IRX2: variants seen among roughly 807,000 people sequenced by gnomAD.
IRX2 encodes iroquois homeobox 2.
A neutral mutation model predicts 42.9 loss-of-function variants in IRX2; 26 were observed. The ratio of observed to expected loss-of-function variants is 0.61; its 90% confidence interval spans 0.44 to 0.84. The LOEUF (loss-of-function observed/expected upper bound fraction) is 0.84. IRX2 is among the 40% of genes least tolerant of loss of function. The pLI is 0.00. For missense variants in IRX2, 782 were observed against 713.9 expected, an observed-to-expected ratio of 1.10 and a Z score of -1.09; for synonymous variants, 424 against 353.9, an observed-to-expected ratio of 1.20 and a Z score of -2.22.
At position 2,751,527 on chromosome 5, in the gene IRX2, C is replaced by G; in HGVS notation, c.-114G>C. The G allele has an allele frequency of 1.4e-6, 1 of 730,366 alleles. No individual in the cohort carries two copies. Among genetic ancestry groups the G allele is most frequent in the Non-Finnish European group, 1.7e-6 (1 of 601,244 alleles). The allele number at this position is 730,366 out of a possible 1,614,324, so 45.2% of individuals were successfully genotyped here. A position where few individuals can be genotyped will look rare whatever the true frequency, so the allele number is the denominator to read the frequency against. On this transcript the variant is annotated 5_prime_UTR_variant, in exon 1 of 4. Coordinates refer to ENST00000302057, the MANE Select transcript of IRX2 (RefSeq NM_033267.5). This position sits in a 1 kb window ranked among gnomAD's most constrained non-coding sequence, Gnocchi z 4.0. ...CGGCGGCGGGCACCCGGACGGCCGG[C>G]GGAGGCAGGCCGGCCCGGGTACTAG...
At chr5:2,748,049 T>C (rs956768612) in intron 3 of IRX2, among the ~76,000 whole-genome samples, 11 of 152,214 alleles carry the variant, frequency 7.2e-5, no homozygotes, top group Non-Finnish European at 1.3e-4. Context: ...GGCGACACGC[T>C]GTAATTTGAA....
Position 2,751,600 on chromosome 5 carries a change from G to A in IRX2, c.-187C>T. 5.4e-6 allele frequency: 1 copy of A among 184,114 alleles called. No individual in the cohort carries two copies. The highest frequency in any genetic ancestry group is 1.0e-5 in the Non-Finnish European group (1 of 99,910). 11.4% of individuals were successfully genotyped at this position (184,114 alleles called of 1,614,324 possible). A position where few individuals can be genotyped will look rare whatever the true frequency, so the allele number is the denominator to read the frequency against. On this transcript the variant is annotated 5_prime_UTR_variant, in exon 1 of 4. Coordinates refer to ENST00000302057, the MANE Select transcript of IRX2 (RefSeq NM_033267.5). The surrounding 1 kb of genome is among the most constrained non-coding windows in gnomAD (Gnocchi z 4.0). Reference sequence around the variant, plus strand: ...GCGGCGGCGGGGTGGCGGTGGCGGCGGCAGCAGCGCGGAGCCGGTGGGCGC... The same window carrying A: ...GCGGCGGCGGGGTGGCGGTGGCGGCAGCAGCAGCGCGGAGCCGGTGGGCGC...
rs1737760362 is a variant in IRX2, at chr5:2,748,372, G to T, written c.1336C>A (p.Pro446Thr). ...TTCTTGGGCTCGTAGCCGCCGCCCGGGGACCGGTAGTGGGACTCGAGCGGG... is the reference window on the plus strand; with the variant it reads ...TTCTTGGGCTCGTAGCCGCCGCCCGTGGACCGGTAGTGGGACTCGAGCGGG... ...AHPLESHYRS[P>T]GGGYEPKKDA... is the part of the protein sequence containing the mutation. Residue 446 changes from proline to threonine, a missense_variant, in exon 3 of 4, where the codon CCG (proline) becomes ACG (threonine). This residue lies in a region of IRX2 where 520 missense variants were observed against 437.8 expected (regional missense o/e 1.19). Coordinates refer to ENST00000302057, the MANE Select transcript of IRX2 (RefSeq NM_033267.5). The T allele has an allele frequency of 6.8e-7, 1 of 1,461,582 alleles. No homozygotes were observed. Among genetic ancestry groups the T allele is most frequent in the Non-Finnish European group, 9.0e-7 (1 of 1,114,316 alleles). 90.5% of individuals were successfully genotyped at this position (1,461,582 alleles called of 1,614,324 possible).
chr5:2,736,797 A>G, the IRX2 span: 1 of 152,258 alleles, frequency 6.6e-6, no homozygotes, highest in Admixed American at 6.5e-5. Context: ...TGCCAGACGT[A>G]CATAAGAATC....
Position 2,749,395 on chromosome 5 carries a change from C to G in IRX2, c.642G>C (p.Ser214=). 4 of 1,610,438 alleles carry G rather than the reference C, an allele frequency of 2.5e-6. No individual in the cohort carries two copies. Among genetic ancestry groups the G allele is most frequent in the Non-Finnish European group, 3.4e-6 (4 of 1,178,428 alleles). The change falls in exon 2 of 4, where the codon TCG becomes TCC. Residue 214 remains serine (S), a synonymous_variant. Coordinates refer to ENST00000302057, the MANE Select transcript of IRX2 (RefSeq NM_033267.5). ...PDKAQEGTET[S]AEDEGISLHV... is the part of the protein sequence containing the mutation. The stretch of plus-strand genomic sequence containing the variant: ...CTGCCCGCTCACCTTCGTCCTCTGC[C>G]GAGGTCTCCGTGCCCTCCTGCGCCT...
At chr5:2,741,706 T>C (rs997259806), downstream of IRX2, among the ~76,000 whole-genome samples, 3 of 152,210 alleles carry the variant, frequency 2.0e-5, no homozygotes, top group Admixed American at 6.5e-5. Flanking sequence ...AGTGCTTGTG[T>C]AGCATTGTGT....
rs770436524 is a variant in IRX2, at chr5:2,748,460, G to A, written c.1248C>T (p.Ala416=). The change falls in exon 3 of 4, where the codon GCC becomes GCT. Residue 416 remains alanine (A), a synonymous_variant. Coordinates refer to ENST00000302057, the MANE Select transcript of IRX2 (RefSeq NM_033267.5). ...GCGCGGTGTGCAGGGCCTCGCCGGG[G>A]GCCGCGGCCGCAGAGTTGTACCGCA... ...GLLRYNSAAA[A]PGEALHTAPK... is the part of the protein sequence containing the mutation. 1.9e-6 allele frequency: 3 copies of A among 1,570,212 alleles called. No individual in the cohort carries two copies. Among genetic ancestry groups the A allele is most frequent in the African/African-American group, 2.8e-5 (2 of 70,562 alleles).
At chr5:2,750,086 G>A (rs1446659093) in intron 1 of IRX2, among the ~76,000 whole-genome samples, 1 of 152,072 alleles carries the variant, frequency 6.6e-6, no homozygotes, top group Non-Finnish European at 1.5e-5. Flanking sequence ...ACCCTTGCAC[G>A]TGCGCGCACA....
At chr5:2,738,416 A>G in the IRX2 span, among the ~76,000 whole-genome samples, 1 of 152,302 alleles carries the variant, frequency 6.6e-6, no homozygotes, top group Non-Finnish European at 1.5e-5. Context: ...AGCCAGGGAG[A>G]ATAAACCTGG....
At chr5:2,747,793 C>T (rs1737727860) in intron 3 of IRX2, among the ~76,000 whole-genome samples, 177 bp from the exon 4 acceptor site, 1 of 152,218 alleles carries the variant, frequency 6.6e-6, no homozygotes, top group Non-Finnish European at 1.5e-5. Flanking sequence ...AACTTCCCCC[C>T]TTGAACTCCT....
chr5:2,748,694 C>G lies in IRX2; in HGVS notation c.1014G>C (p.Ser338=). The G allele has an allele frequency of 7.2e-7, 1 of 1,398,520 alleles. No homozygotes were observed. The highest frequency in any genetic ancestry group is 3.2e-5 in the East Asian group (1 of 31,344). 86.6% of individuals were successfully genotyped at this position (1,398,520 alleles called of 1,614,324 possible). Residue 338 remains serine (S), a synonymous_variant, in exon 3 of 4, where the codon TCG becomes TCC. Transcript: ENST00000302057. The stretch of plus-strand genomic sequence containing the variant: ...GGCCCAGGCTCGGCTGCTTGAGGTC[C>G]GACGTGGCGATCTCGGCCAGCGACC... ...KLWSLAEIAT[S]DLKQPSLGPG... is the part of the protein sequence containing the mutation.
the IRX2 span, among the ~76,000 whole-genome samples, chr5:2,736,375 T>C: frequency 6.6e-6 from 1 of 152,238 alleles, no homozygotes; most frequent in Non-Finnish European, 1.5e-5. Context: ...ATTAAATTTT[T>C]AGAATTAAAA....
downstream of IRX2, among the ~76,000 whole-genome samples, chr5:2,741,539 C>G (rs146518005): frequency 3.6e-3 from 541 of 152,188 alleles, 3 homozygotes; most frequent in African/African-American, 0.013. Context: ...GAATTTATTA[C>G]TCAAGAGCAT....
rs1193592584 is a variant in IRX2, at chr5:2,747,548, G to A, written c.*16C>T. The stretch of plus-strand genomic sequence containing the variant: ...ACCAGGGTGCCCACTTACTTGCATT[G>A]CTGTGCTCGGCCCTTCTATAGGTAG... On this transcript the variant is annotated 3_prime_UTR_variant, in exon 4 of 4. Coordinates refer to ENST00000302057, the MANE Select transcript of IRX2 (RefSeq NM_033267.5). The A allele has an allele frequency of 1.9e-6, 3 of 1,612,882 alleles. No individual in the cohort carries two copies. The highest frequency in any genetic ancestry group is 4.5e-5 in the East Asian group (2 of 44,874).
At chr5:2,743,327 T>A (rs1481926781), downstream of IRX2, among the ~76,000 whole-genome samples, 2 of 152,148 alleles carry the variant, frequency 1.3e-5, no homozygotes, top group Non-Finnish European at 2.9e-5. Context: ...ATAACTCTTT[T>A]ATTGGGAACA....
rs766797774 is a variant in IRX2, at chr5:2,748,553, C to A, written c.1155G>T (p.Thr385=). The A allele has an allele frequency of 1.3e-6, 2 of 1,574,260 alleles. No homozygotes were observed. The highest frequency in any genetic ancestry group is 2.5e-5 in the East Asian group (1 of 39,436). Reference sequence around the variant, plus strand: ...TTGTGTAGTTGCCGTAGAAGGGCGACGTGTAGTAGAGGGGGCGGCCCAGCA... The same window carrying A: ...TTGTGTAGTTGCCGTAGAAGGGCGAAGTGTAGTAGAGGGGGCGGCCCAGCA... The part of the protein sequence containing the change: ...SPLLGRPLYY[T]SPFYGNYTNY... The change falls in exon 3 of 4, where the codon ACG becomes ACT. Residue 385 remains threonine (T), a synonymous_variant. Coordinates refer to ENST00000302057, the MANE Select transcript of IRX2 (RefSeq NM_033267.5).
At chr5:2,741,915 C>T (rs1377268421), downstream of IRX2, among the ~76,000 whole-genome samples, 4 of 152,188 alleles carry the variant, frequency 2.6e-5, no homozygotes, top group East Asian at 1.9e-4. Flanking sequence ...AAAATTCTTC[C>T]TCTTTCCTTT....
chr5:2,741,201 G>A (rs1212766277), downstream of IRX2, among the ~76,000 whole-genome samples: 2 of 152,238 alleles, frequency 1.3e-5, no homozygotes, highest in Non-Finnish European at 2.9e-5. Flanking sequence ...GGGTTAAACC[G>A]TTCGATTTGC....
At chr5:2,740,136 A>C in the IRX2 span, among the ~76,000 whole-genome samples, 2 of 151,602 alleles carry the variant, frequency 1.3e-5, no homozygotes, top group South Asian at 2.1e-4. Flanking sequence ...TCGAAAACTC[A>C]TGAACAGGCG....
Sources: gnomAD v4.1 joint callset for allele counts (sites outside exome capture counted in the v4.1 genomes callset) on GRCh38, gnomAD v4.1.1 for gene constraint, gnomAD v4.1.1 regional missense constraint, Gnocchi (gnomAD v3.1) non-coding constraint, MANE v1.5 for transcripts, NCBI Gene and HGNC (gene_info 2026-07-23, HGNC 2026-07-21) for gene names.